CMKLR1: variants seen among roughly 807,000 people sequenced by gnomAD.
CMKLR1 encodes the protein chemerin-like receptor 1.
Under a neutral mutation model 8.2 loss-of-function variants are expected in CMKLR1, and 6 were observed. The ratio of observed to expected loss-of-function variants is 0.73; its 90% CI spans 0.40 to 1.44. CMKLR1 has a LOEUF of 1.44. CMKLR1 is among the 40% of genes most tolerant of loss of function. The pLI, the probability that CMKLR1 is intolerant of heterozygous loss-of-function variation, is 0.02. For missense variants in CMKLR1, 429 were observed against 478.0 expected (o/e 0.90, Z 0.96); for synonymous variants, 178 against 181.2 (o/e 0.98, Z 0.14).
Position 108,288,229 on chromosome 12 carries a change from A to C in CMKLR1, c.*3612T>G, listed in dbSNP as rs1332454803. ...GGGCCTAGGGCATCCCAGCCCCAAC[A>C]AGAGCATAACATGTTAGGGAGGAAC... is the stretch of plus-strand genomic sequence containing the variant. On this transcript the variant is annotated 3_prime_UTR_variant, in exon 4 of 4. Transcript: ENST00000550402. 1 of 152,202 alleles carries C rather than the reference A, an allele frequency of 6.6e-6. No individual in the cohort carries two copies. Among genetic ancestry groups the C allele is most frequent in the Non-Finnish European group, 1.5e-5 (1 of 68,048 alleles). 9.4% of individuals were successfully genotyped at this position (152,202 alleles called of 1,614,324 possible). A position where few individuals can be genotyped will look rare whatever the true frequency, so the allele number is the denominator to read the frequency against.
intron 2 of CMKLR1, among the ~76,000 whole-genome samples, chr12:108,321,976 T>C (rs1478650974): frequency 6.6e-6 from 1 of 151,090 alleles, no homozygotes; most frequent in Non-Finnish European, 1.5e-5. Context: ...AAGTAATGGG[T>C]GAGTTGTCTA....
chr12:108,301,923 G>T (rs572121331), intron 2 of CMKLR1, among the ~76,000 whole-genome samples: 7 of 152,168 alleles, frequency 4.6e-5, no homozygotes, highest in African/African-American at 1.4e-4. Flanking sequence ...ACACACACAG[G>T]CATGTGTGCT....
intron 2 of CMKLR1, among the ~76,000 whole-genome samples, chr12:108,293,891 T>C (rs1891059154): frequency 6.6e-6 from 1 of 152,158 alleles, no homozygotes; most frequent in Admixed American, 6.5e-5. Context: ...AGTGCTGGAC[T>C]CTTCATTCTA....
chr12:108,313,000 G>C (rs1304589664), intron 2 of CMKLR1, among the ~76,000 whole-genome samples: 1 of 152,082 alleles, frequency 6.6e-6, no homozygotes. Context: ...TAGGCTGCCA[G>C]CCACGAGCAC....
In CMKLR1 at chr12:108,291,533, G is replaced by A. The variant is rs745666994; in HGVS notation, c.*308C>T. On this transcript the variant is annotated 3_prime_UTR_variant, in exon 4 of 4. Coordinates refer to ENST00000550402, the MANE Select transcript of CMKLR1 (RefSeq NM_001142343.2). ...ACACAATAGGCAGCTTAATCCCACC[G>A]CCCTATGCCAATCCCAGTTCATGGC... 11 of 341,402 alleles carry A rather than the reference G, an allele frequency of 3.2e-5. No homozygotes were observed. The highest frequency in any genetic ancestry group is 7.0e-5 in the South Asian group (2 of 28,470). The allele number at this position is 341,402 out of a possible 1,614,324, so 21.1% of individuals were successfully genotyped here. A position where few individuals can be genotyped will look rare whatever the true frequency, so the allele number is the denominator to read the frequency against.
chr12:108,307,540 A>G (rs1891441394), intron 2 of CMKLR1, among the ~76,000 whole-genome samples: 1 of 152,152 alleles, frequency 6.6e-6, no homozygotes, highest in South Asian at 2.1e-4. Context: ...GAGGTGGAGA[A>G]CCCAGACTCA....
intron 1 of CMKLR1, among the ~76,000 whole-genome samples, chr12:108,331,781 A>C (rs1892114063): frequency 6.6e-6 from 1 of 152,124 alleles, no homozygotes; most frequent in South Asian, 2.1e-4. Flanking sequence ...GGGGACCATG[A>C]GTCAAGGAAT....
intron 2 of CMKLR1, among the ~76,000 whole-genome samples, chr12:108,318,234 T>C (rs1217917683): frequency 6.6e-6 from 1 of 152,244 alleles, no homozygotes; most frequent in African/African-American, 2.4e-5. Flanking sequence ...TTTCCACATA[T>C]TCTTAATAGA....
At chr12:108,337,619 G>A (rs961103667) in intron 1 of CMKLR1, among the ~76,000 whole-genome samples, 8 of 152,152 alleles carry the variant, frequency 5.3e-5, no homozygotes, top group Non-Finnish European at 7.4e-5. Flanking sequence ...ACCCAGTGCG[G>A]GTAGGGGACT....
chr12:108,316,808 T>C (rs1891746185), intron 2 of CMKLR1, among the ~76,000 whole-genome samples: 1 of 152,198 alleles, frequency 6.6e-6, no homozygotes, highest in Non-Finnish European at 1.5e-5. Flanking sequence ...GGTGGGGCTT[T>C]TGCTTTGGGA....
chr12:108,326,254 G>A (rs1003688681), intron 2 of CMKLR1, among the ~76,000 whole-genome samples: 4 of 152,160 alleles, frequency 2.6e-5, no homozygotes, highest in African/African-American at 9.7e-5. Context: ...GGAGGCTGTG[G>A]CTTGCTTGTC....
In CMKLR1 at chr12:108,289,658, A is replaced by AAATG. The variant is rs1890905380; in HGVS notation, c.*2179_*2182dup. 1 of 152,222 alleles carries AAATG rather than the reference A, an allele frequency of 6.6e-6. No homozygotes were observed. The highest frequency in any genetic ancestry group is 2.4e-5 in the African/African-American group (1 of 41,446). The allele number at this position is 152,222 out of a possible 1,614,324, so 9.4% of individuals were successfully genotyped here. ...GTCCCATCCCATCTCGTGCCTCAGT[A>AAATG]AATGTGGGAAGAGGGGAGATGGGGG... On this transcript the variant is annotated 3_prime_UTR_variant, in exon 4 of 4. Transcript: ENST00000550402.
intron 2 of CMKLR1, among the ~76,000 whole-genome samples, chr12:108,312,301 C>G (rs999554966): frequency 2.0e-5 from 3 of 152,220 alleles, no homozygotes; most frequent in African/African-American, 7.2e-5. Context: ...CATTTCCAAG[C>G]ATCGTGGATG....
At chr12:108,303,494 A>T (rs937233648) in intron 2 of CMKLR1, among the ~76,000 whole-genome samples, 2 of 152,222 alleles carry the variant, frequency 1.3e-5, no homozygotes, top group Non-Finnish European at 2.9e-5. Context: ...AGGCACAGAG[A>T]AGGTAACTAA....
intron 2 of CMKLR1, among the ~76,000 whole-genome samples, chr12:108,318,602 C>T (rs1891787649): frequency 1.3e-5 from 2 of 152,056 alleles, no homozygotes; most frequent in African/African-American, 4.8e-5. Flanking sequence ...TGCCTGAGGC[C>T]TCCTCGTCAC....
intron 2 of CMKLR1, among the ~76,000 whole-genome samples, chr12:108,316,999 C>T (rs1167418173): frequency 3.9e-5 from 6 of 152,140 alleles, no homozygotes; most frequent in Admixed American, 6.5e-5. Flanking sequence ...GATGGGGTTT[C>T]GCCATGTTGG....
intron 1 of CMKLR1, among the ~76,000 whole-genome samples, chr12:108,333,532 C>T (rs1188996386): frequency 3.9e-5 from 6 of 152,192 alleles, no homozygotes; most frequent in African/African-American, 9.7e-5. Context: ...AATAGAAATG[C>T]CTTCACTGAA....
intron 2 of CMKLR1, among the ~76,000 whole-genome samples, chr12:108,322,064 A>G (rs995053807): frequency 1.3e-5 from 2 of 152,178 alleles, no homozygotes; most frequent in Non-Finnish European, 2.9e-5. Flanking sequence ...GAAAGGATAA[A>G]TCTTTGCTTT....
Position 108,291,956 on chromosome 12 carries a change from T to A in CMKLR1, c.1007A>T (p.Asn336Ile). 1 of 1,614,192 alleles carries A rather than the reference T, an allele frequency of 6.2e-7. No individual in the cohort carries two copies. The highest frequency in any genetic ancestry group is 8.5e-7 in the Non-Finnish European group (1 of 1,180,038). ...FKVALFSRLV[N>I]ALSEDTGHSS... is the part of the protein sequence containing the mutation. Reference sequence around the variant, plus strand: ...GTGGCCTGTATCTTCACTTAGAGCATTGACCAGGCGAGAGAAGAGGGCCAC... The same window carrying A: ...GTGGCCTGTATCTTCACTTAGAGCAATGACCAGGCGAGAGAAGAGGGCCAC... Residue 336 changes from asparagine (N) to isoleucine (I), a missense_variant, in exon 4 of 4, where the codon AAT (asparagine) becomes ATT (isoleucine). Transcript: ENST00000550402.
Sources: allele counts gnomAD v4.1 joint callset (sites outside exome capture counted in the v4.1 genomes callset), GRCh38; gene constraint gnomAD v4.1.1; transcripts MANE v1.5; gene names NCBI Gene and HGNC (gene_info 2026-07-23, HGNC 2026-07-21).